Variants in HS3ST5 observed in about 807,000 individuals in gnomAD.
HS3ST5 encodes the protein heparan sulfate glucosamine 3-O-sulfotransferase 5.
A neutral mutation model predicts 25.4 loss-of-function variants in HS3ST5; 10 were observed. The observed-to-expected ratio is 0.39, with a 90% CI of 0.24 to 0.67. HS3ST5 has a LOEUF of 0.67. HS3ST5 is among the 30% of genes least tolerant of loss of function. The pLI is 0.44. For missense variants in HS3ST5, 324 were observed against 420.7 expected, an observed-to-expected ratio of 0.77 and a Z score of 2.01; for synonymous variants, 170 against 162.4, an observed-to-expected ratio of 1.05 and a Z score of -0.36.
intron 1 of HS3ST5, among the ~76,000 whole-genome samples, chr6:114,277,752 C>G (rs912511443): frequency 6.6e-6 from 1 of 151,862 alleles, no homozygotes; most frequent in Non-Finnish European, 1.5e-5. Context: ...TCGGGAAAAG[C>G]CATATGCAGA....
chr6:114,242,949 T>G (rs1772208275), intron 1 of HS3ST5, among the ~76,000 whole-genome samples: 1 of 152,140 alleles, frequency 6.6e-6, no homozygotes, highest in African/African-American at 2.4e-5. Flanking sequence ...CTCACATTAG[T>G]GAGCATGATG....
intron 1 of HS3ST5, among the ~76,000 whole-genome samples, chr6:114,308,980 G>T (rs1775419157): frequency 6.6e-6 from 1 of 152,136 alleles, no homozygotes; most frequent in Non-Finnish European, 1.5e-5. Flanking sequence ...GCAACTAGGA[G>T]GCAAAAATGA....
chr6:114,195,941 G>A (rs1780726068), intron 2 of HS3ST5, among the ~76,000 whole-genome samples: 1 of 152,150 alleles, frequency 6.6e-6, no homozygotes, highest in Admixed American at 6.5e-5. Context: ...GCAATATGGA[G>A]TAACTCAAGC....
chr6:114,104,379 T>A (rs1370096123), intron 3 of HS3ST5, among the ~76,000 whole-genome samples: 3 of 152,204 alleles, frequency 2.0e-5, no homozygotes, highest in South Asian at 2.1e-4. Context: ...TCAGTGGTGC[T>A]TGGTATCTCA....
At chr6:114,112,868 T>C (rs1776334666) in intron 3 of HS3ST5, among the ~76,000 whole-genome samples, 1 of 152,222 alleles carries the variant, frequency 6.6e-6, no homozygotes, top group Non-Finnish European at 1.5e-5. Flanking sequence ...ATTTTCCTAA[T>C]GTTTCTATTG....
rs111739204 is a variant in HS3ST5, at chr6:114,213,924, G to A, written c.-145+14661C>T. Among the ~76,000 whole-genome samples, 44 of 152,194 alleles carry A rather than the reference G, an allele frequency of 2.9e-4. 4 individuals are homozygous for A. Among genetic ancestry groups the A allele is most frequent in the African/African-American group, 1.0e-3 (43 of 41,522 alleles). On this transcript the variant is annotated intron_variant, in intron 2 of 4. Transcript: ENST00000312719. ...TCTATACCTATAAATTGTATCTTAAGTTCTTCCTCAAGGCCTACAATGCTC... is the reference window on the plus strand; with the variant it reads ...TCTATACCTATAAATTGTATCTTAAATTCTTCCTCAAGGCCTACAATGCTC...
At chr6:114,102,166 T>C (rs912262064) in intron 3 of HS3ST5, among the ~76,000 whole-genome samples, 14 of 152,162 alleles carry the variant, frequency 9.2e-5, no homozygotes, top group Admixed American at 2.0e-4. Flanking sequence ...TTTACCTATA[T>C]TACAAACCTG....
intron 1 of HS3ST5, among the ~76,000 whole-genome samples, chr6:114,299,217 A>T: frequency 6.6e-6 from 1 of 152,140 alleles, no homozygotes; most frequent in East Asian, 1.9e-4. Context: ...GGATGAAATA[A>T]GCCCCAGTCT....
intron 1 of HS3ST5, among the ~76,000 whole-genome samples, chr6:114,229,059 G>A (rs1771447014): frequency 6.6e-6 from 1 of 152,086 alleles, no homozygotes; most frequent in African/African-American, 2.4e-5. Context: ...TGATATGCAG[G>A]TGCTACATTT....
At chr6:114,156,474 C>A (rs1212226258) in intron 3 of HS3ST5, among the ~76,000 whole-genome samples, 2 of 152,116 alleles carry the variant, frequency 1.3e-5, no homozygotes, top group African/African-American at 4.8e-5. Context: ...ATTTAACAGA[C>A]AACGGATAGT....
chr6:114,078,281 A>G (rs761906649), intron 3 of HS3ST5, among the ~76,000 whole-genome samples: 6 of 151,860 alleles, frequency 4.0e-5, no homozygotes, highest in Non-Finnish European at 7.4e-5. Flanking sequence ...ATATCTGCTC[A>G]CTGCAACCTC....
intron 2 of HS3ST5, among the ~76,000 whole-genome samples, chr6:114,217,188 G>A (rs990781935): frequency 1.3e-5 from 2 of 152,178 alleles, no homozygotes; most frequent in Non-Finnish European, 2.9e-5. Flanking sequence ...TGTTGGGTGA[G>A]TTCAATTTCA....
intron 4 of HS3ST5, among the ~76,000 whole-genome samples, chr6:114,061,636 C>G (rs1773119098): frequency 6.6e-6 from 1 of 152,208 alleles, no homozygotes; most frequent in Non-Finnish European, 1.5e-5. Flanking sequence ...ACACTTCAGT[C>G]TTTCCAGTGC....
chr6:114,098,254 A>G (rs1034262014), intron 3 of HS3ST5, among the ~76,000 whole-genome samples: 2 of 151,938 alleles, frequency 1.3e-5, no homozygotes, highest in Admixed American at 6.6e-5. Flanking sequence ...TATTTAAAAC[A>G]AAAAAAGCAA....
intron 3 of HS3ST5, among the ~76,000 whole-genome samples, chr6:114,162,841 G>A (rs1399103292): frequency 1.3e-5 from 2 of 152,176 alleles, no homozygotes; most frequent in African/African-American, 2.4e-5. Context: ...CAGCCATGAA[G>A]TTGGAGCACT....
At chr6:114,298,886 C>G (rs1250594848) in intron 1 of HS3ST5, among the ~76,000 whole-genome samples, 4 of 152,072 alleles carry the variant, frequency 2.6e-5, no homozygotes, top group Non-Finnish European at 4.4e-5. Context: ...ATGTATGTCA[C>G]CTCAGGACCC....
At chr6:114,279,947 A>C (rs1285783982) in intron 1 of HS3ST5, among the ~76,000 whole-genome samples, 1 of 152,034 alleles carries the variant, frequency 6.6e-6, no homozygotes, top group Non-Finnish European at 1.5e-5. Context: ...GTTCCCATAC[A>C]GATCAGAAAT....
intron 2 of HS3ST5, among the ~76,000 whole-genome samples, chr6:114,221,085 C>T (rs1782007628): frequency 6.6e-6 from 1 of 151,964 alleles, no homozygotes; most frequent in South Asian, 2.1e-4. Flanking sequence ...CACCATCTAA[C>T]CTGGACAAAT....
intron 2 of HS3ST5, among the ~76,000 whole-genome samples, chr6:114,208,684 G>A (rs1488828377): frequency 6.6e-6 from 1 of 152,140 alleles, no homozygotes; most frequent in Non-Finnish European, 1.5e-5. Flanking sequence ...TGTTGGTATT[G>A]CATTGTAGGA....
Sources: gnomAD v4.1 joint callset for allele counts (sites outside exome capture counted in the v4.1 genomes callset) on GRCh38, gnomAD v4.1.1 for gene constraint, MANE v1.5 for transcripts, NCBI Gene and HGNC (gene_info 2026-07-23, HGNC 2026-07-21) for gene names.